MACROD2: variants seen among roughly 807,000 people sequenced by gnomAD.
The protein encoded by MACROD2 is ADP-ribose glycohydrolase MACROD2.
Under a neutral mutation model 70.4 loss-of-function variants are expected in MACROD2, and 36 were observed. The ratio of observed to expected loss-of-function variants is 0.51; its 90% CI spans 0.39 to 0.68. The LOEUF (loss-of-function observed/expected upper bound fraction) is 0.68, where lower values mean the gene tolerates loss of function less well. Among genes scored for constraint, MACROD2 ranks in the 30% least tolerant of loss-of-function variants. The pLI, the probability that MACROD2 is intolerant of heterozygous loss-of-function variation, is 0.00. For missense variants in MACROD2, 496 were observed against 538.4 expected (o/e 0.92, Z 0.78); for synonymous variants, 172 against 178.8 (o/e 0.96, Z 0.30).
intron 3 of MACROD2, among the ~76,000 whole-genome samples, chr20:14,107,995 TG>T (rs1175212482): frequency 6.6e-6 from 1 of 152,138 alleles, no homozygotes; most frequent in African/African-American, 2.4e-5. Context: ...ACTGTAATTG[TG>T]GTGTATAAAC....
chr20:15,076,303 T>C (rs192159906), intron 5 of MACROD2, among the ~76,000 whole-genome samples: 12 of 152,278 alleles, frequency 7.9e-5, no homozygotes, highest in African/African-American at 2.9e-4. Context: ...ATATTTAAAA[T>C]AAATCAATTT....
chr20:15,917,855 G>A lies in MACROD2; in HGVS notation c.776-15421G>A, dbSNP rs549615686. On this transcript the variant is annotated intron_variant, in intron 10 of 17. Coordinates refer to ENST00000684519, the MANE Select transcript of MACROD2 (RefSeq NM_001351661.2). Reference sequence around the variant, plus strand: ...AATTCATACTAAAAGAGGGAAAAAAGGAAAAAAAAAAAAGCTGAAGGAAGA... The same window carrying A: ...AATTCATACTAAAAGAGGGAAAAAAAGAAAAAAAAAAAAGCTGAAGGAAGA... Among the ~76,000 whole-genome samples, 1,241 of 148,820 alleles carry A rather than the reference G, an allele frequency of 8.3e-3. 16 individuals are homozygous for A. The highest frequency in any genetic ancestry group is 0.029 in the African/African-American group (1,178 of 40,280).
intron 8 of MACROD2, among the ~76,000 whole-genome samples, chr20:15,562,219 G>A (rs1334872224): frequency 6.6e-6 from 1 of 152,030 alleles, no homozygotes. Flanking sequence ...TATATTTCTA[G>A]CTCTGTCCAT....
At chr20:15,100,460 A>G (rs1039003189) in intron 5 of MACROD2, among the ~76,000 whole-genome samples, 6 of 152,190 alleles carry the variant, frequency 3.9e-5, no homozygotes, top group Non-Finnish European at 8.8e-5. Context: ...TACAAATTAT[A>G]CAAGAAACTG....
At chr20:15,196,969 T>C in intron 5 of MACROD2, 1 of 985,338 alleles carries the variant, frequency 1.0e-6, no homozygotes, top group Non-Finnish European at 1.2e-6. Flanking sequence ...GCCTCAGGTA[T>C]CCAAAGAGCA....
At chr20:14,332,485 G>A (rs1231107073) in intron 3 of MACROD2, among the ~76,000 whole-genome samples, 1 of 152,056 alleles carries the variant, frequency 6.6e-6, no homozygotes, top group Non-Finnish European at 1.5e-5. Context: ...TTAAGATGAA[G>A]CTGTATAATA....
At chr20:15,494,957 T>A (rs967137477) in intron 7 of MACROD2, among the ~76,000 whole-genome samples, 3 of 152,202 alleles carry the variant, frequency 2.0e-5, no homozygotes, top group African/African-American at 7.2e-5. Flanking sequence ...GCACAGAATC[T>A]GTGTGCACCT....
intron 5 of MACROD2, among the ~76,000 whole-genome samples, chr20:14,718,292 CAAAAAA>C (rs11358439): frequency 3.7e-5 from 2 of 54,642 alleles, no homozygotes; most frequent in Non-Finnish European, 6.0e-5. Flanking sequence ...GACTCTGTCT[CAAAAAA>C]AAAAAAAAAA....
rs114886471 is a variant in MACROD2, at chr20:15,306,964, A to C, written c.540+76903A>C. 3.0e-3 allele frequency among the ~76,000 whole-genome samples: 454 copies of C among 152,256 alleles called. 4 individuals carry two copies. Among genetic ancestry groups the C allele is most frequent in the African/African-American group, 0.011 (437 of 41,548 alleles). On this transcript the variant is annotated intron_variant, in intron 6 of 17. Coordinates refer to ENST00000684519, the MANE Select transcript of MACROD2 (RefSeq NM_001351661.2). ...CACAGGAAGATTTAACTTATGGCAG[A>C]AGGCAGAGGGGAGCAGGCATGTCAC...
intron 13 of MACROD2, among the ~76,000 whole-genome samples, chr20:15,977,182 T>G (rs911046117): frequency 4.6e-5 from 7 of 152,180 alleles, no homozygotes; most frequent in Non-Finnish European, 1.0e-4. Flanking sequence ...AATGACCTGG[T>G]GCGATGATTA....
At chr20:15,096,736 T>C (rs772210656) in intron 5 of MACROD2, among the ~76,000 whole-genome samples, 1 of 151,456 alleles carries the variant, frequency 6.6e-6, no homozygotes, top group Non-Finnish European at 1.5e-5. Flanking sequence ...GGTCTGGAGC[T>C]CCTGACGTCA....
intron 4 of MACROD2, among the ~76,000 whole-genome samples, chr20:14,673,379 C>G (rs768378150): frequency 1.3e-5 from 2 of 152,190 alleles, no homozygotes; most frequent in African/African-American, 2.4e-5. Context: ...TCAAAGTTCT[C>G]AGTTGGCAGT....
intron 5 of MACROD2, among the ~76,000 whole-genome samples, chr20:15,224,019 C>A (rs2076883510): frequency 1.3e-5 from 2 of 152,116 alleles, no homozygotes; most frequent in Admixed American, 1.3e-4. Context: ...TGAGGAAACC[C>A]AAACTAGCCC....
At chr20:14,957,008 T>A (rs2074542412) in intron 5 of MACROD2, among the ~76,000 whole-genome samples, 1 of 152,206 alleles carries the variant, frequency 6.6e-6, no homozygotes, top group Admixed American at 6.5e-5. Context: ...AGTGTTACTT[T>A]ATTTGTACTT....
At chr20:14,145,328 G>T (rs1473025968) in intron 3 of MACROD2, among the ~76,000 whole-genome samples, 3 of 151,994 alleles carry the variant, frequency 2.0e-5, no homozygotes, top group African/African-American at 7.3e-5. Context: ...TAGTGTTTGT[G>T]GTAGGTATAA....
intron 5 of MACROD2, among the ~76,000 whole-genome samples, chr20:15,051,599 A>G (rs1341957333): frequency 6.6e-6 from 1 of 152,140 alleles, no homozygotes; most frequent in African/African-American, 2.4e-5. Flanking sequence ...CAGATCATCA[A>G]GTATAATCTC....
At chr20:15,843,162 A>G (rs2064192529) in intron 8 of MACROD2, among the ~76,000 whole-genome samples, 2 of 152,186 alleles carry the variant, frequency 1.3e-5, no homozygotes, top group South Asian at 4.1e-4. Context: ...CACTTTGACA[A>G]TGAAACAGAG....
intron 3 of MACROD2, among the ~76,000 whole-genome samples, chr20:14,443,367 G>A (rs1383498438): frequency 6.7e-6 from 1 of 150,292 alleles, no homozygotes; most frequent in Admixed American, 6.6e-5. Flanking sequence ...CATAATCTCG[G>A]CTCACTGCAA....
chr20:14,389,947 G>A (rs537726958), intron 3 of MACROD2, among the ~76,000 whole-genome samples: 1 of 152,286 alleles, frequency 6.6e-6, no homozygotes, highest in East Asian at 1.9e-4. Context: ...TAGGAAGAGA[G>A]GAAGTAAACT....
Sources: gnomAD v4.1 joint callset for allele counts (sites outside exome capture counted in the v4.1 genomes callset) on GRCh38, gnomAD v4.1.1 for gene constraint, MANE v1.5 for transcripts, NCBI Gene and HGNC (gene_info 2026-07-23, HGNC 2026-07-21) for gene names.